UGT1A6: variants seen among roughly 807,000 people sequenced by gnomAD.
UGT1A6 encodes UDP-glucuronosyltransferase 1A6.
Under a neutral mutation model 44.4 loss-of-function variants are expected in UGT1A6, and 32 were observed. The observed-to-expected ratio is 0.72, with a 90% CI of 0.54 to 0.97. The LOEUF (loss-of-function observed/expected upper bound fraction) is 0.97. Among genes scored for constraint, UGT1A6 ranks in the 50% least tolerant of loss-of-function variants. The pLI is 0.00. For missense variants in UGT1A6, 685 were observed against 661.9 expected (o/e 1.03, Z -0.38); for synonymous variants, 238 against 248.5 (o/e 0.96, Z 0.40).
chr2:233,757,680 A>G (rs1575754544), intron 1 of UGT1A6, among the ~76,000 whole-genome samples: 1 of 151,598 alleles, frequency 6.6e-6, no homozygotes, highest in South Asian at 2.1e-4. Context: ...AAGGAATTCA[A>G]GGGATTCAAG....
At chr2:233,743,449 G>A in intron 1 of UGT1A6, 2 of 1,365,064 alleles carry the variant, frequency 1.5e-6, no homozygotes, top group African/African-American at 3.0e-5. Context: ...TGTATCAAAA[G>A]AAGAAAAAAC....
intron 1 of UGT1A6, among the ~76,000 whole-genome samples, chr2:233,762,777 G>A (rs1698161345): frequency 6.7e-6 from 1 of 149,832 alleles, no homozygotes; most frequent in Non-Finnish European, 1.5e-5. Flanking sequence ...ATCTCTAGCT[G>A]ATTATCTACT....
At chr2:233,768,037 T>C (rs1699552537) in intron 3 of UGT1A6, 101 bp downstream of exon 3, 3 of 1,611,640 alleles carry the variant, frequency 1.9e-6, no homozygotes, top group Non-Finnish European at 2.5e-6. Context: ...GAAAATATTA[T>C]GGCCAACATA....
At chr2:233,711,438 G>C (rs1384309614) in intron 1 of UGT1A6, among the ~76,000 whole-genome samples, 1 of 152,216 alleles carries the variant, frequency 6.6e-6, no homozygotes, top group Non-Finnish European at 1.5e-5. Context: ...GATGCATACA[G>C]TTTTAAGGGG....
At chr2:233,741,956 CTTG>C (rs1315214944) in intron 1 of UGT1A6, 1 of 151,862 alleles carries the variant, frequency 6.6e-6, no homozygotes, top group East Asian at 1.9e-4. Flanking sequence ...AAGGTACTTT[CTTG>C]TTGTGTTTAT....
intron 1 of UGT1A6, among the ~76,000 whole-genome samples, chr2:233,759,599 A>ACCCCCCCCCCCCCCCCCCCC (rs1553620419): frequency 9.2e-6 from 1 of 108,662 alleles, no homozygotes; most frequent in African/African-American, 3.3e-5. Context: ...CCCACCCCCG[A>ACCCCCCCCCCCCCCCCCCCC]CCCGCCCCAC....
At chr2:233,760,473 T>C (rs2125984600) in intron 1 of UGT1A6, 2 of 1,614,230 alleles carry the variant, frequency 1.2e-6, no homozygotes, top group Non-Finnish European at 1.7e-6. Flanking sequence ...TCCTAGCACC[T>C]GACGCCTCGT....
intron 1 of UGT1A6, among the ~76,000 whole-genome samples, chr2:233,717,363 T>C (rs2076566761): frequency 6.6e-6 from 1 of 152,216 alleles, no homozygotes; most frequent in Admixed American, 6.5e-5. Context: ...TGGGGAGTTC[T>C]CAAGCCCTTA....
intron 1 of UGT1A6, chr2:233,722,033 A>G (rs915638296): frequency 4.1e-6 from 1 of 246,466 alleles, no homozygotes; most frequent in Non-Finnish European, 8.1e-6. Context: ...CTTGAATTGC[A>G]TGATTTTGTG....
chr2:233,696,212 C>G (rs558627515), intron 1 of UGT1A6, among the ~76,000 whole-genome samples: 1 of 152,314 alleles, frequency 6.6e-6, no homozygotes, highest in East Asian at 1.9e-4. Context: ...TATTATAGCA[C>G]TATTCACAGT....
At chr2:233,696,930 A>G (rs556497492) in intron 1 of UGT1A6, among the ~76,000 whole-genome samples, 1 of 152,268 alleles carries the variant, frequency 6.6e-6, no homozygotes, top group Middle Eastern at 3.4e-3. Context: ...ATATCAATAA[A>G]TGCATCAGGA....
intron 1 of UGT1A6, among the ~76,000 whole-genome samples, chr2:233,732,817 G>A (rs1434078778): frequency 7.7e-6 from 1 of 130,138 alleles, no homozygotes; most frequent in Non-Finnish European, 1.6e-5. Flanking sequence ...GATTCCATAT[G>A]AACTTTAAAG....
intron 1 of UGT1A6, chr2:233,743,865 C>T (rs988813505): frequency 2.0e-5 from 27 of 1,367,074 alleles, no homozygotes; most frequent in Non-Finnish European, 2.5e-5. Flanking sequence ...TTCTTGATGG[C>T]CTCGGATGAG....
intron 1 of UGT1A6, among the ~76,000 whole-genome samples, chr2:233,695,937 TCTGCCAGATACCAG>T (rs1024121397): frequency 2.2e-4 from 34 of 152,244 alleles, no homozygotes; most frequent in Middle Eastern, 3.4e-3. Context: ...AGCAGGCAAT[TCTGCCAGATACCAG>T]CTGGGTGTCC....
intron 1 of UGT1A6, chr2:233,747,202 T>G: frequency 5.0e-6 from 8 of 1,604,908 alleles, no homozygotes; most frequent in South Asian, 1.1e-5. Context: ...GCTGTCCGTG[T>G]CTTCTGCTGA....
intron 1 of UGT1A6, among the ~76,000 whole-genome samples, chr2:233,751,757 T>C (rs763533308): frequency 6.6e-6 from 1 of 152,222 alleles, no homozygotes; most frequent in Non-Finnish European, 1.5e-5. Flanking sequence ...CTTGCTGCCA[T>C]GTGAGACATG....
At chr2:233,744,762 A>G (rs1310047679) in intron 1 of UGT1A6, among the ~76,000 whole-genome samples, 12 of 151,872 alleles carry the variant, frequency 7.9e-5, no homozygotes, top group Non-Finnish European at 4.4e-5. Flanking sequence ...AAATAGTTTT[A>G]ACTTTGCAAA....
intron 4 of UGT1A6, among the ~76,000 whole-genome samples, chr2:233,768,745 G>A (rs1699716714): frequency 1.3e-5 from 2 of 151,730 alleles, no homozygotes; most frequent in Admixed American, 1.3e-4. Context: ...ACCACGCCCG[G>A]TTAATTTTTG....
chr2:233,713,198 C>T, intron 1 of UGT1A6: 4 of 1,614,218 alleles, frequency 2.5e-6, no homozygotes, highest in Non-Finnish European at 3.4e-6. Context: ...ATATGTACAT[C>T]AAAGAAGAGA....
Sources: gnomAD v4.1 joint callset for allele counts (sites outside exome capture counted in the v4.1 genomes callset) on GRCh38, gnomAD v4.1.1 for gene constraint, MANE v1.5 for transcripts, NCBI Gene and HGNC (gene_info 2026-07-23, HGNC 2026-07-21) for gene names.